Variants in ABHD2 observed in about 807,000 individuals in gnomAD.
ABHD2 encodes abhydrolase domain containing 2, acylglycerol lipase.
A neutral mutation model predicts 48.1 loss-of-function variants in ABHD2; 20 were observed. That is an observed-to-expected ratio of 0.42 (90% confidence interval 0.29 to 0.60). The LOEUF is 0.60. Among genes scored for constraint, ABHD2 ranks in the 20% least tolerant of loss-of-function variants. The probability of loss-of-function intolerance (pLI) is 0.24; values close to 1 mark genes in which losing one functional copy is unlikely to be tolerated. For synonymous variants in ABHD2, 209 were observed against 214.2 expected (o/e 0.98, Z 0.21); for missense variants, 405 against 550.9 (o/e 0.74, Z 2.65).
chr15:89,177,275 C>T lies in ABHD2; in HGVS notation c.722+1280C>T, dbSNP rs78565567. On this transcript the variant is annotated intron_variant, in intron 6 of 10. Transcript: ENST00000352732. This position sits in a 1 kb window ranked among gnomAD's most constrained non-coding sequence, Gnocchi z 5.6. ...GAAGTGCTTAGAACAGTGCCCAGCA[C>T]GCAGAACGTAAGCCACTGTTCATTT... 0.057 allele frequency among the ~76,000 whole-genome samples: 8,752 copies of T among 152,210 alleles called. 807 individuals are homozygous for T. Among genetic ancestry groups the T allele is most frequent in the African/African-American group, 0.2 (8,135 of 41,492 alleles).
chr15:89,192,484 T>C (rs1390368792), intron 9 of ABHD2, among the ~76,000 whole-genome samples: 1 of 152,102 alleles, frequency 6.6e-6, no homozygotes, highest in Non-Finnish European at 1.5e-5. Context: ...ATTCCTGTTT[T>C]CAACCTTCAG....
intron 5 of ABHD2, among the ~76,000 whole-genome samples, chr15:89,169,321 T>C (rs1461642734): frequency 6.6e-6 from 1 of 152,150 alleles, no homozygotes; most frequent in Non-Finnish European, 1.5e-5. Context: ...GGACAAGTCA[T>C]TTCATGTCTT....
chr15:89,102,447 G>C lies in ABHD2; in HGVS notation c.-106-11278G>C, dbSNP rs934425182. ...TGTGGGGAGTGAGGTGGAATGTCAG[G>C]AGGGCGTAGTTTGCAAAACATCCCT... On this transcript the variant is annotated intron_variant, in intron 1 of 10. Coordinates refer to ENST00000352732, the MANE Select transcript of ABHD2 (RefSeq NM_152924.5). The surrounding 1 kb of genome is among the most constrained non-coding windows in gnomAD (Gnocchi z 4.8). The C allele has an allele frequency of 2.0e-5, 3 of 152,214 alleles. No homozygotes were observed. Among genetic ancestry groups the C allele is most frequent in the Non-Finnish European group, 4.4e-5 (3 of 68,052 alleles). The allele number at this position is 152,214 out of a possible 1,614,324, so 9.4% of individuals were successfully genotyped here.
At chr15:89,085,413 A>G (rs1901333559), upstream of ABHD2, among the ~76,000 whole-genome samples, 1 of 152,098 alleles carries the variant, frequency 6.6e-6, no homozygotes, top group Non-Finnish European at 1.5e-5. The surrounding 1 kb of genome is among the most constrained non-coding windows in gnomAD (Gnocchi z 4.2). Flanking sequence ...ATAGAATGAA[A>G]TAATATGATT....
At chr15:89,181,666 A>G (rs2051117404) in intron 6 of ABHD2, among the ~76,000 whole-genome samples, 1 of 152,202 alleles carries the variant, frequency 6.6e-6, no homozygotes, top group Non-Finnish European at 1.5e-5. Context: ...TATTTGAGCC[A>G]GGAGATCTGA....
chr15:89,046,426 A>G, the ABHD2 span, among the ~76,000 whole-genome samples: 1 of 151,988 alleles, frequency 6.6e-6, no homozygotes, highest in Admixed American at 6.6e-5. Context: ...TGAGTTAGGG[A>G]GGATTCCCTC....
At chr15:89,072,469 C>G in the ABHD2 span, among the ~76,000 whole-genome samples, 2 of 141,672 alleles carry the variant, frequency 1.4e-5, no homozygotes, top group African/African-American at 5.2e-5. Context: ...GAGCAAGACT[C>G]GGTCTCAAAA....
At chr15:89,115,158 G>C (rs1326190601) in intron 2 of ABHD2, among the ~76,000 whole-genome samples, 3 of 152,148 alleles carry the variant, frequency 2.0e-5, no homozygotes, top group Non-Finnish European at 2.9e-5. Flanking sequence ...TGTTAGCAGA[G>C]GCTACTTGAA....
At chr15:89,119,956 T>C (rs1225747800) in intron 3 of ABHD2, among the ~76,000 whole-genome samples, 1 of 152,224 alleles carries the variant, frequency 6.6e-6, no homozygotes, top group Non-Finnish European at 1.5e-5. Flanking sequence ...TCGCCTAGGC[T>C]GGAAAGTTCT....
chr15:89,081,814 G>A, the ABHD2 span, among the ~76,000 whole-genome samples: 2 of 152,128 alleles, frequency 1.3e-5, no homozygotes, highest in African/African-American at 4.8e-5. Context: ...TCGTGCCACT[G>A]TACTCCAGCC....
the ABHD2 span, among the ~76,000 whole-genome samples, chr15:89,045,767 A>G: frequency 5.3e-5 from 8 of 152,254 alleles, no homozygotes; most frequent in African/African-American, 1.9e-4. Flanking sequence ...ACTTTGCTGA[A>G]GTTGCTTATC....
intron 4 of ABHD2, among the ~76,000 whole-genome samples, chr15:89,154,677 G>A (rs903360579): frequency 2.0e-5 from 3 of 152,054 alleles, no homozygotes; most frequent in African/African-American, 7.2e-5. Context: ...CTTAATTTAT[G>A]GAAGAGCTTG....
At chr15:89,192,633 C>T (rs991947444) in intron 9 of ABHD2, among the ~76,000 whole-genome samples, 1 of 152,096 alleles carries the variant, frequency 6.6e-6, no homozygotes, top group Non-Finnish European at 1.5e-5. Context: ...CCTCAGCTTC[C>T]TGAGTAGCTA....
the ABHD2 span, among the ~76,000 whole-genome samples, chr15:89,053,693 C>A: frequency 2.0e-5 from 3 of 152,114 alleles, no homozygotes; most frequent in Admixed American, 6.5e-5. Flanking sequence ...GCTTTGGGAG[C>A]GACAAGAGAA....
intron 1 of ABHD2, among the ~76,000 whole-genome samples, chr15:89,109,651 A>T (rs1393894124): frequency 1.3e-5 from 2 of 152,156 alleles, no homozygotes; most frequent in African/African-American, 4.8e-5. Context: ...TATCTAGAAC[A>T]AGTTCAGAAT....
chr15:89,191,149 G>T lies in ABHD2; in HGVS notation c.996G>T (p.Arg332Ser), dbSNP rs1423831284. The change falls in exon 9 of 11, where the codon AGG (arginine) becomes AGT (serine). Residue 332 changes from arginine to serine, a missense_variant and splice_region_variant. Transcript: ENST00000352732. ...EEESCMRYLH[R>S]IYVPLMLVNA... Reference sequence around the variant, plus strand: ...AAAGTTGCATGCGGTACCTGCACAGGGTGAGTGGCCATCACGGGCTCAGAA... The same window carrying T: ...AAAGTTGCATGCGGTACCTGCACAGTGTGAGTGGCCATCACGGGCTCAGAA... 1 of 1,613,862 alleles carries T rather than the reference G, an allele frequency of 6.2e-7. No individual in the cohort carries two copies. Among genetic ancestry groups the T allele is most frequent in the Admixed American group, 1.7e-5 (1 of 60,010 alleles).
chr15:89,058,622 A>G, the ABHD2 span, among the ~76,000 whole-genome samples: 9 of 152,056 alleles, frequency 5.9e-5, no homozygotes, highest in East Asian at 1.9e-4. Flanking sequence ...AACTCCCTCC[A>G]TCCCTCAGGA....
chr15:89,192,796 A>G (rs565917347), intron 9 of ABHD2, among the ~76,000 whole-genome samples: 1 of 152,164 alleles, frequency 6.6e-6, no homozygotes, highest in Non-Finnish European at 1.5e-5. Context: ...CAGTCCTCCC[A>G]CCTTGGCCTC....
Position 89,138,221 on chromosome 15 carries a change from C to G in ABHD2, c.195-13456C>G, listed in dbSNP as rs186101010. On this transcript the variant is annotated intron_variant, in intron 3 of 10. Coordinates refer to ENST00000352732, the MANE Select transcript of ABHD2 (RefSeq NM_152924.5). ...CTTCCTTACCTTTCCTGTGTGCACA[C>G]ACATGCATGCACATGCACATGTGCA... Among the ~76,000 whole-genome samples, 3 of 152,358 alleles carry G rather than the reference C, an allele frequency of 2.0e-5. No individual in the cohort carries two copies. The East Asian group carries it at 5.8e-4, about 29-fold the overall frequency.
Sources: allele counts gnomAD v4.1 joint callset (sites outside exome capture counted in the v4.1 genomes callset), GRCh38; gene constraint gnomAD v4.1.1; non-coding constraint Gnocchi (gnomAD v3.1); transcripts MANE v1.5; gene names NCBI Gene and HGNC (gene_info 2026-07-23, HGNC 2026-07-21).